The following KRT8 variants were observed in gnomAD, a reference collection of about 807,000 sequenced individuals.
KRT8 encodes keratin, type II cytoskeletal 8.
KRT8 carries 24 observed loss-of-function variants against 43.0 expected under a neutral mutation model. That is an observed-to-expected ratio of 0.56 (90% CI 0.40 to 0.78). KRT8 has a LOEUF of 0.78. Among genes scored for constraint, KRT8 ranks in the 30% least tolerant of loss-of-function variants. KRT8 has a pLI of 0.00. For missense variants in KRT8, 492 were observed against 638.4 expected (o/e 0.77, Z 2.47); for synonymous variants, 214 against 261.2 (o/e 0.82, Z 1.74).
At position 52,900,015 on chromosome 12, in the gene KRT8, G is replaced by A. The variant is rs1214044070; in HGVS notation, c.741C>T (p.Ser247=). The change falls in exon 5 of 8, where the codon TCC becomes TCT. Residue 247 remains serine (S), a synonymous_variant. Coordinates refer to ENST00000692008, the Ensembl canonical transcript of KRT8. The stretch of plus-strand genomic sequence containing the variant: ...TGTCCAGGGAGCGGCTGTTGTCCAT[G>A]GACAGCACCACAGATGTGTCCGAGA... 3.1e-6 allele frequency: 5 copies of A among 1,612,828 alleles called. No individual in the cohort carries two copies. In the Admixed American group the frequency reaches 5.0e-5, roughly 16 times the overall value.
At position 52,902,081 on chromosome 12, in the gene KRT8, A is replaced by G. The variant is rs778710419; in HGVS notation, c.325-9T>C. On this transcript the variant is annotated splice_polypyrimidine_tract_variant and intron_variant, in intron 1 of 7. Coordinates refer to ENST00000692008, the Ensembl canonical transcript of KRT8. ...TGCTCCAGGAACCGTACCTATACGAAGGAGGAGAGAGCAAAAAGGTCTACA... is the reference window on the plus strand; with the variant it reads ...TGCTCCAGGAACCGTACCTATACGAGGGAGGAGAGAGCAAAAAGGTCTACA... 1.7e-5 allele frequency: 27 copies of G among 1,579,994 alleles called. No individual in the cohort carries two copies. The highest frequency in any genetic ancestry group is 2.1e-5 in the Non-Finnish European group (24 of 1,160,960).
upstream of KRT8, chr12:52,905,185 G>T (rs1941486965): frequency 2.1e-6 from 2 of 941,010 alleles, no homozygotes; most frequent in Non-Finnish European, 3.1e-6. Flanking sequence ...TGCCACCTCC[G>T]GGCAGGACTC....
intron 2 of KRT8, chr12:52,949,019 C>T (rs1942404825): frequency 1.5e-6 from 1 of 672,080 alleles, no homozygotes; most frequent in Non-Finnish European, 2.5e-6. Context: ...AGGGCGCGGG[C>T]TCCGAGCCGT....
At chr12:52,897,991 C>T (rs1394115508) in intron 7 of KRT8, among the ~76,000 whole-genome samples, 1 of 152,128 alleles carries the variant, frequency 6.6e-6, no homozygotes, top group African/African-American at 2.4e-5. Flanking sequence ...CAGTGAAACC[C>T]CGTCTCTACT....
intron 2 of KRT8, among the ~76,000 whole-genome samples, chr12:52,919,551 A>T (rs780070551): frequency 6.6e-6 from 1 of 151,996 alleles, no homozygotes; most frequent in African/African-American, 2.4e-5. Flanking sequence ...TACAGGTGTG[A>T]GCCACCATGC....
chr12:52,938,181 TTTTTA>T (rs1255257756), intron 2 of KRT8, among the ~76,000 whole-genome samples: 6,953 of 94,682 alleles, frequency 0.073, 1,174 homozygotes, highest in East Asian at 0.23. Context: ...TTTTTTTTTT[TTTTTA>T]TATATAAGGT....
chr12:52,943,241 G>A (rs1942294335), intron 2 of KRT8, among the ~76,000 whole-genome samples: 1 of 152,090 alleles, frequency 6.6e-6, no homozygotes, highest in Non-Finnish European at 1.5e-5. Flanking sequence ...TCTACATTTT[G>A]CCTCCACTTG....
At chr12:52,901,757 G>A in intron 2 of KRT8, 107 bp downstream of exon 2, 2 of 809,734 alleles carry the variant, frequency 2.5e-6, no homozygotes, top group Non-Finnish European at 4.4e-6. Flanking sequence ...TAATTAGATA[G>A]GACTGCACTT....
upstream of KRT8, among the ~76,000 whole-genome samples, chr12:52,911,743 G>A (rs1198429804): frequency 6.6e-6 from 1 of 152,038 alleles, no homozygotes; most frequent in Non-Finnish European, 1.5e-5. Flanking sequence ...AACAAGAAAA[G>A]TGGTATGGGC....
intron 2 of KRT8, among the ~76,000 whole-genome samples, chr12:52,941,478 CTTTTTTTT>C (rs774607187): frequency 5.5e-5 from 4 of 72,574 alleles, no homozygotes; most frequent in African/African-American, 2.4e-4. Context: ...AGTTTTTGCT[CTTTTTTTT>C]TTTTTTTTTT....
chr12:52,936,336 A>G (rs1013254213), intron 2 of KRT8, among the ~76,000 whole-genome samples: 3 of 152,054 alleles, frequency 2.0e-5, no homozygotes, highest in African/African-American at 7.2e-5. Flanking sequence ...ATCATAGCTC[A>G]TGGCAGCCTG....
intron 2 of KRT8, among the ~76,000 whole-genome samples, chr12:52,924,760 G>A (rs957424659): frequency 3.9e-5 from 6 of 152,156 alleles, no homozygotes; most frequent in Admixed American, 1.3e-4. Flanking sequence ...AGAATTCACC[G>A]TTCCTTCTGT....
At chr12:52,915,288 G>T (rs977752143) in intron 2 of KRT8, among the ~76,000 whole-genome samples, 2 of 151,662 alleles carry the variant, frequency 1.3e-5, no homozygotes, top group African/African-American at 2.4e-5. Flanking sequence ...CAGGAGAATG[G>T]CGTGAACCCC....
intron 2 of KRT8, among the ~76,000 whole-genome samples, chr12:52,917,788 G>A (rs1461256904): frequency 1.3e-5 from 2 of 151,874 alleles, no homozygotes; most frequent in Non-Finnish European, 2.9e-5. Context: ...CTGAGGCAGG[G>A]AGAATTGCTT....
chr12:52,900,196 G>C, intron 4 of KRT8, 131 bp from the exon 5 acceptor site: 2 of 891,660 alleles, frequency 2.2e-6, no homozygotes, highest in Non-Finnish European at 3.4e-6. Flanking sequence ...CAGGGTCAGG[G>C]AGAGGGCAAA....
At chr12:52,898,410 C>T (rs1207628528) in intron 7 of KRT8, 51 bp downstream of exon 7, 9 of 1,525,992 alleles carry the variant, frequency 5.9e-6, no homozygotes, top group South Asian at 2.3e-5. Flanking sequence ...GGAGCTGAGG[C>T]CTCCCTGGGC....
intron 2 of KRT8, among the ~76,000 whole-genome samples, chr12:52,940,089 T>C (rs375409162): frequency 2.6e-4 from 39 of 152,022 alleles, no homozygotes; most frequent in African/African-American, 9.2e-4. Context: ...TGCAATAACA[T>C]AGATGAATCA....
intron 2 of KRT8, among the ~76,000 whole-genome samples, chr12:52,939,710 G>A (rs200647389): frequency 3.6e-4 from 4 of 11,110 alleles, no homozygotes; most frequent in South Asian, 3.5e-3. Flanking sequence ...TGACAGACGG[G>A]GAGACTCCCT....
chr12:52,932,441 GC>G (rs1942099865), intron 2 of KRT8, among the ~76,000 whole-genome samples: 1 of 152,002 alleles, frequency 6.6e-6, no homozygotes, highest in Non-Finnish European at 1.5e-5. Context: ...CAGGAACAAA[GC>G]AAAAACATTT....
Sources: allele counts gnomAD v4.1 joint callset (sites outside exome capture counted in the v4.1 genomes callset), GRCh38; gene constraint gnomAD v4.1.1; transcripts MANE v1.5; gene names NCBI Gene and HGNC (gene_info 2026-07-23, HGNC 2026-07-21).